Variants in ERV3-1 observed in about 807,000 individuals in gnomAD.
The protein encoded by ERV3-1 is endogenous retrovirus group 3 member 1 Env polyprotein.
ERV3-1 carries 36 observed loss-of-function variants against 24.6 expected under a neutral mutation model. The ratio of observed to expected loss-of-function variants is 1.47; its 90% CI spans 1.12 to 1.94. The LOEUF is 1.94. Among genes scored for constraint, ERV3-1 ranks in the 30% most tolerant of loss-of-function variants. ERV3-1 has a pLI of 0.00. For missense variants in ERV3-1, 578 were observed against 330.9 expected (o/e 1.75, Z -5.79); for synonymous variants, 211 against 122.6 (o/e 1.72, Z -4.76).
chr7:65,001,877 G>A (rs1459991149), intron 1 of ERV3-1, among the ~76,000 whole-genome samples: 1 of 152,170 alleles, frequency 6.6e-6, no homozygotes, highest in Non-Finnish European at 1.5e-5. Flanking sequence ...TCACAACACT[G>A]TCTTCACTGC....
chr7:64,995,092 C>T (rs534611975), intron 1 of ERV3-1, among the ~76,000 whole-genome samples: 11 of 152,336 alleles, frequency 7.2e-5, no homozygotes, highest in African/African-American at 1.9e-4. Flanking sequence ...TAAAGTTATG[C>T]GTGGATTTTC....
At position 64,992,873 on chromosome 7, in the gene ERV3-1, CATAAT is replaced by C; in HGVS notation, c.149_153del (p.Tyr50Ter). The stretch of plus-strand genomic sequence containing the variant: ...GTTCCTAGGCAGGTCCCAGCACACT[CATAAT>C]AAGTGTGATACAACAGGGTTTTAGT... On this transcript the variant is annotated frameshift_variant, in exon 2 of 2. Coordinates refer to ENST00000394323, the MANE Select transcript of ERV3-1 (RefSeq NM_001007253.4). LOFTEE classifies it high-confidence loss of function. The C allele has an allele frequency of 6.5e-6, 5 of 766,390 alleles. No homozygotes were observed. The highest frequency in any genetic ancestry group is 1.2e-5 in the Non-Finnish European group (5 of 417,906). 47.5% of individuals were successfully genotyped at this position (766,390 alleles called of 1,614,324 possible).
rs1300443194 is a variant in ERV3-1 at position 64,992,088 on chromosome 7, G to A, written c.939C>T (p.Pro313=). Reference sequence around the variant, plus strand: ...AGGCGGTTAGTGTGAAATTATCTTGGGGCATTAGTTCCCTTGCTTCCCATG... The same window carrying A: ...AGGCGGTTAGTGTGAAATTATCTTGAGGCATTAGTTCCCTTGCTTCCCATG... ...QWPWEARELM[P]QDNFTLTASS... is the part of the protein sequence containing the mutation. Residue 313 remains proline (P), a synonymous_variant, in exon 2 of 2, where the codon CCC becomes CCT. Transcript: ENST00000394323. 3.9e-6 allele frequency: 3 copies of A among 766,222 alleles called. No individual in the cohort carries two copies. In the South Asian group the frequency reaches 4.0e-5, roughly 10 times the overall value. The allele number at this position is 766,222 out of a possible 1,614,324, so 47.5% of individuals were successfully genotyped here.
chr7:64,995,867 T>A (rs1289436309), intron 1 of ERV3-1, among the ~76,000 whole-genome samples: 1 of 152,170 alleles, frequency 6.6e-6, no homozygotes, highest in Admixed American at 6.5e-5. Flanking sequence ...TGTCATTTGG[T>A]GGGGTGTATG....
At chr7:64,999,498 G>A (rs1584067751) in intron 1 of ERV3-1, among the ~76,000 whole-genome samples, 1 of 152,212 alleles carries the variant, frequency 6.6e-6, no homozygotes, top group Non-Finnish European at 1.5e-5. Context: ...GGCGGGTCAG[G>A]TTTTTGGCAT....
In ERV3-1 at chr7:64,992,275, A is replaced by G. The variant is rs779387021; in HGVS notation, c.752T>C (p.Phe251Ser). Residue 251 changes from phenylalanine (F) to serine (S), a missense_variant, in exon 2 of 2, where the codon TTC becomes TCC. Phe to Ser is a radical substitution (Grantham distance 155). Coordinates refer to ENST00000394323, the MANE Select transcript of ERV3-1 (RefSeq NM_001007253.4). ...CTCATAGAATGACTCAAAAACTCGG[A>G]ACTGTTGGGTTGAGCGGGTCCGAGT... Reference protein sequence around the residue: ...KKTRTRSTQQFRVFESFYEHV... With the variant: ...KKTRTRSTQQSRVFESFYEHV... 2 of 766,330 alleles carry G rather than the reference A, an allele frequency of 2.6e-6. No individual in the cohort carries two copies. Among genetic ancestry groups the G allele is most frequent in the Non-Finnish European group, 4.8e-6 (2 of 417,898 alleles). 47.5% of individuals were successfully genotyped at this position (766,330 alleles called of 1,614,324 possible).
At chr7:64,999,187 G>A (rs1366204035) in intron 1 of ERV3-1, among the ~76,000 whole-genome samples, 1 of 152,188 alleles carries the variant, frequency 6.6e-6, no homozygotes, top group Non-Finnish European at 1.5e-5. Context: ...CACTGTCAGG[G>A]AGGGGCGCCG....
chr7:65,002,148 T>C (rs1220867893), intron 1 of ERV3-1, among the ~76,000 whole-genome samples: 2 of 152,180 alleles, frequency 1.3e-5, no homozygotes, highest in African/African-American at 4.8e-5. Flanking sequence ...TTAATAAAAT[T>C]CTCTATCCTT....
In ERV3-1 at chr7:64,990,709, T is replaced by C. The variant is rs1330078686; in HGVS notation, c.*503A>G. ...GTTGTGAGAGCAGAACAAAGAATAATGTTATGGGGAGAGAATTTCAAACAG... is the reference window on the plus strand; with the variant it reads ...GTTGTGAGAGCAGAACAAAGAATAACGTTATGGGGAGAGAATTTCAAACAG... On this transcript the variant is annotated 3_prime_UTR_variant, in exon 2 of 2. Coordinates refer to ENST00000394323, the MANE Select transcript of ERV3-1 (RefSeq NM_001007253.4). 6.6e-6 allele frequency: 1 copy of C among 152,336 alleles called. No individual in the cohort carries two copies. Among genetic ancestry groups the C allele is most frequent in the Admixed American group, 6.5e-5 (1 of 15,280 alleles). The allele number at this position is 152,336 out of a possible 1,614,324, so 9.4% of individuals were successfully genotyped here.
intron 1 of ERV3-1, among the ~76,000 whole-genome samples, chr7:64,994,955 C>T (rs889757826): frequency 4.6e-5 from 7 of 152,242 alleles, no homozygotes; most frequent in Non-Finnish European, 7.3e-5. Flanking sequence ...CATCTGGGTC[C>T]TTGAAAGGCT....
At chr7:64,993,886 T>C (rs1786343724) in intron 1 of ERV3-1, among the ~76,000 whole-genome samples, 2 of 152,218 alleles carry the variant, frequency 1.3e-5, no homozygotes, top group African/African-American at 4.8e-5. Flanking sequence ...TTCCATTTTA[T>C]TTTTAACACT....
intron 1 of ERV3-1, among the ~76,000 whole-genome samples, chr7:64,999,294 C>T (rs1786471145): frequency 6.6e-6 from 1 of 152,218 alleles, no homozygotes. Flanking sequence ...GTCCCACAGC[C>T]AAAGGAGACA....
chr7:65,006,593 C>T lies in ERV3-1; in HGVS notation c.-441G>A, dbSNP rs548925782. 2 of 1,572,920 alleles carry T rather than the reference C, an allele frequency of 1.3e-6. No homozygotes were observed. The highest frequency in any genetic ancestry group is 2.2e-5 in the East Asian group (1 of 44,532). On this transcript the variant is annotated 5_prime_UTR_variant, in exon 1 of 2. Transcript: ENST00000394323. ...CGTCTTAGCTGTGGATCTCCCAATA[C>T]CTGCAGGTAACGAGGCCACAGAAGC...
At chr7:65,000,864 A>T (rs1022851752) in intron 1 of ERV3-1, among the ~76,000 whole-genome samples, 5 of 152,224 alleles carry the variant, frequency 3.3e-5, no homozygotes, top group Admixed American at 6.5e-5. Flanking sequence ...GTGTGGCCAT[A>T]AAAAAGAAGA....
At chr7:64,998,562 A>T (rs2129123723) in intron 1 of ERV3-1, among the ~76,000 whole-genome samples, 1 of 152,284 alleles carries the variant, frequency 6.6e-6, no homozygotes, top group South Asian at 2.1e-4. Context: ...CTTAACATAC[A>T]TTCTAATGGG....
chr7:64,992,105 C>T lies in ERV3-1; in HGVS notation c.922G>A (p.Ala308Thr), dbSNP rs1259294213. The stretch of plus-strand genomic sequence containing the variant: ...TTATCTTGGGGCATTAGTTCCCTTG[C>T]TTCCCATGGCCATTGGTCTCCCATG... ...MNMGDQWPWE[A>T]RELMPQDNFT... The change falls in exon 2 of 2, where the codon GCA becomes ACA. Residue 308 changes from alanine (A) to threonine (T), a missense_variant. Coordinates refer to ENST00000394323, the MANE Select transcript of ERV3-1 (RefSeq NM_001007253.4). The T allele has an allele frequency of 1.3e-6, 1 of 766,424 alleles. No individual in the cohort carries two copies. Among genetic ancestry groups the T allele is most frequent in the Non-Finnish European group, 2.4e-6 (1 of 417,908 alleles). The allele number at this position is 766,424 out of a possible 1,614,324, so 47.5% of individuals were successfully genotyped here. A position where few individuals can be genotyped will look rare whatever the true frequency, so the allele number is the denominator to read the frequency against.
chr7:64,993,210 C>T lies in ERV3-1; in HGVS notation c.-184G>A, dbSNP rs1245827496. 5 of 579,126 alleles carry T rather than the reference C, an allele frequency of 8.6e-6. No individual in the cohort carries two copies. The highest frequency in any genetic ancestry group is 1.5e-5 in the Non-Finnish European group (5 of 325,530). The allele number at this position is 579,126 out of a possible 1,614,324, so 35.9% of individuals were successfully genotyped here. On this transcript the variant is annotated 5_prime_UTR_variant, in exon 2 of 2. Coordinates refer to ENST00000394323, the MANE Select transcript of ERV3-1 (RefSeq NM_001007253.4). ...AGCTTCTGGGGTGACTAGAGCAGGG[C>T]TGTTGTCTCCTCAAGCTTCAGCCGT...
Position 64,990,550 on chromosome 7 carries a change from T to C in ERV3-1, c.*662A>G, listed in dbSNP as rs1786241132. 1 of 39,348 alleles carries C rather than the reference T, an allele frequency of 2.5e-5. No homozygotes were observed. Among genetic ancestry groups the C allele is most frequent in the Admixed American group, 4.6e-4 (1 of 2,188 alleles). 2.4% of individuals were successfully genotyped at this position (39,348 alleles called of 1,614,324 possible). On this transcript the variant is annotated 3_prime_UTR_variant, in exon 2 of 2. Transcript: ENST00000394323. Reference sequence around the variant, plus strand: ...AGAACAAAGGCAGTTAATCATACCGTGACAGGTTTTACAACAGGATTTGCA... The same window carrying C: ...AGAACAAAGGCAGTTAATCATACCGCGACAGGTTTTACAACAGGATTTGCA...
intron 1 of ERV3-1, among the ~76,000 whole-genome samples, chr7:65,000,198 G>A (rs1369771008): frequency 6.6e-6 from 1 of 152,002 alleles, no homozygotes; most frequent in Non-Finnish European, 1.5e-5. Flanking sequence ...TGGCACGGTG[G>A]CTCATGCCTG....
Sources: allele counts gnomAD v4.1 joint callset (sites outside exome capture counted in the v4.1 genomes callset), GRCh38; gene constraint gnomAD v4.1.1; transcripts MANE v1.5; gene names NCBI Gene and HGNC (gene_info 2026-07-23, HGNC 2026-07-21).